The following RAPGEF5 variants were observed in gnomAD, a reference collection of about 807,000 sequenced individuals.
RAPGEF5 encodes the protein Rap guanine nucleotide exchange factor 5.
In RAPGEF5, 65 loss-of-function variants were observed where a neutral mutation model predicts 125.2. The ratio of observed to expected loss-of-function variants is 0.52; its 90% CI spans 0.43 to 0.64. The LOEUF (loss-of-function observed/expected upper bound fraction) is 0.64, where lower values mean the gene tolerates loss of function less well. RAPGEF5 is among the 30% of genes least tolerant of loss of function. The pLI, the probability that RAPGEF5 is intolerant of heterozygous loss-of-function variation, is 0.00. For synonymous variants in RAPGEF5, 391 were observed against 385.9 expected (o/e 1.01, Z -0.16); for missense variants, 958 against 1,048.1 (o/e 0.91, Z 1.19).
intron 6 of RAPGEF5, among the ~76,000 whole-genome samples, chr7:22,273,290 C>G (rs904183929): frequency 7.0e-6 from 1 of 143,436 alleles, no homozygotes; most frequent in African/African-American, 2.6e-5. Flanking sequence ...GCAATCTCGG[C>G]TCACTGCAAG....
chr7:22,136,438 A>G (rs1398602359), intron 22 of RAPGEF5, among the ~76,000 whole-genome samples: 1 of 152,176 alleles, frequency 6.6e-6, no homozygotes, highest in Non-Finnish European at 1.5e-5. Flanking sequence ...AATTTATATC[A>G]TGAATTAACC....
At chr7:22,257,931 T>C (rs1782043336) in intron 7 of RAPGEF5, among the ~76,000 whole-genome samples, 1 of 152,188 alleles carries the variant, frequency 6.6e-6, no homozygotes, top group South Asian at 2.1e-4. Flanking sequence ...TTCAAACTTA[T>C]ACTGCAAGGC....
intron 9 of RAPGEF5, among the ~76,000 whole-genome samples, chr7:22,200,354 A>G (rs1562758189): frequency 6.6e-6 from 1 of 152,236 alleles, no homozygotes; most frequent in Non-Finnish European, 1.5e-5. Context: ...CTGGCAAGAT[A>G]GAAATGATTA....
rs1429778749 is a variant in RAPGEF5 at position 22,162,378 on chromosome 7, T to C, written c.1428+19A>G. Reference sequence around the variant, plus strand: ...ATCAGTTATTTGGCATCAAAGAATATCTGGAAATGTTTGATTACCTTTAAA... The same window carrying C: ...ATCAGTTATTTGGCATCAAAGAATACCTGGAAATGTTTGATTACCTTTAAA... On this transcript the variant is annotated intron_variant, in intron 13 of 25. Coordinates refer to ENST00000665637, the MANE Select transcript of RAPGEF5 (RefSeq NM_012294.5). The C allele has an allele frequency of 6.5e-7, 1 of 1,545,630 alleles. No individual in the cohort carries two copies. Among genetic ancestry groups the C allele is most frequent in the Non-Finnish European group, 8.9e-7 (1 of 1,123,038 alleles).
intron 11 of RAPGEF5, among the ~76,000 whole-genome samples, chr7:22,179,813 C>T (rs938438440): frequency 1.3e-5 from 2 of 152,166 alleles, no homozygotes; most frequent in African/African-American, 2.4e-5. Context: ...TTTACAAATG[C>T]CATGGCAACA....
chr7:22,209,366 C>T (rs1785460784), intron 9 of RAPGEF5, among the ~76,000 whole-genome samples: 1 of 152,216 alleles, frequency 6.6e-6, no homozygotes. Context: ...AATCACAAAC[C>T]TGTAGGTGTA....
chr7:22,272,204 T>C (rs1782445359), intron 6 of RAPGEF5, among the ~76,000 whole-genome samples: 1 of 151,040 alleles, frequency 6.6e-6, no homozygotes, highest in Non-Finnish European at 1.5e-5. Flanking sequence ...ATTAGCCGAG[T>C]ATGGTGCACG....
intron 5 of RAPGEF5, among the ~76,000 whole-genome samples, chr7:22,299,387 A>G (rs555212122): frequency 1.2e-3 from 181 of 152,214 alleles, no homozygotes; most frequent in Non-Finnish European, 2.1e-3. Flanking sequence ...ATATCATTTT[A>G]CCTTTAAATA....
intron 11 of RAPGEF5, among the ~76,000 whole-genome samples, chr7:22,177,287 A>G (rs924034138): frequency 5.9e-5 from 9 of 152,192 alleles, no homozygotes; most frequent in Admixed American, 5.9e-4. Flanking sequence ...TCCACACCCC[A>G]ACCCCTACCC....
intron 7 of RAPGEF5, among the ~76,000 whole-genome samples, chr7:22,257,820 C>T (rs1782037339): frequency 6.6e-6 from 1 of 151,948 alleles, no homozygotes; most frequent in Non-Finnish European, 1.5e-5. Context: ...TTGTTTTTTC[C>T]TAATACAATC....
At chr7:22,144,327 C>T (rs1002156002) in intron 20 of RAPGEF5, among the ~76,000 whole-genome samples, 2 of 152,072 alleles carry the variant, frequency 1.3e-5, no homozygotes, top group African/African-American at 2.4e-5. Flanking sequence ...AATAAGTTTT[C>T]GGAAGGTAAA....
chr7:22,122,513 A>T lies in RAPGEF5; in HGVS notation c.2545T>A (p.Ser849Thr). 6.2e-7 allele frequency: 1 copy of T among 1,611,554 alleles called. No homozygotes were observed. Among genetic ancestry groups the T allele is most frequent in the Middle Eastern group, 1.7e-4 (1 of 6,056 alleles). ...HCRTNQFGDL[S>T]PKEHQELKSY... The stretch of plus-strand genomic sequence containing the variant: ...TTTAACTCTTGATGCTCTTTTGGAG[A>T]CAGGTCACCTGTTGTTTAGAGGGGG... The change falls in exon 26 of 26, where the codon TCT becomes ACT. Residue 849 changes from serine (S) to threonine (T), a missense_variant. Ser to Thr is a moderately conservative substitution (Grantham distance 58). Transcript: ENST00000665637.
intron 12 of RAPGEF5, among the ~76,000 whole-genome samples, chr7:22,165,333 A>G (rs1784129528): frequency 6.6e-6 from 1 of 152,198 alleles, no homozygotes; most frequent in Non-Finnish European, 1.5e-5. Context: ...GTTTAAAGGC[A>G]TCTCATTTGT....
chr7:22,217,272 C>G (rs975057917), intron 9 of RAPGEF5, among the ~76,000 whole-genome samples: 3 of 152,166 alleles, frequency 2.0e-5, no homozygotes, highest in African/African-American at 7.2e-5. Flanking sequence ...AACTGCAGAC[C>G]TAGGTTTACG....
intron 1 of RAPGEF5, among the ~76,000 whole-genome samples, chr7:22,355,119 T>C (rs1196993278): frequency 6.6e-6 from 1 of 152,182 alleles, no homozygotes; most frequent in Non-Finnish European, 1.5e-5. Context: ...AAACTGGCTA[T>C]GCAGTTACGA....
At chr7:22,346,295 C>A (rs1361855733) in intron 1 of RAPGEF5, among the ~76,000 whole-genome samples, 1 of 152,174 alleles carries the variant, frequency 6.6e-6, no homozygotes, top group Non-Finnish European at 1.5e-5. Flanking sequence ...TGTTCTCTTA[C>A]ACCCACAGCC....
chr7:22,279,917 C>T (rs551846779), intron 6 of RAPGEF5, among the ~76,000 whole-genome samples: 1 of 152,236 alleles, frequency 6.6e-6, no homozygotes, highest in East Asian at 1.9e-4. Flanking sequence ...AAAAGCTGTG[C>T]TGTGTTGGGA....
intron 7 of RAPGEF5, among the ~76,000 whole-genome samples, chr7:22,242,135 G>A (rs1786347399): frequency 1.3e-5 from 2 of 152,218 alleles, no homozygotes; most frequent in African/African-American, 4.8e-5. Context: ...CTAGGTCTGA[G>A]AGGGTGAGGC....
chr7:22,202,101 G>A (rs1040481991), intron 9 of RAPGEF5, among the ~76,000 whole-genome samples: 13 of 152,200 alleles, frequency 8.5e-5, no homozygotes, highest in Non-Finnish European at 1.3e-4. Flanking sequence ...GTAGGCTTGG[G>A]TAGAAAAGGA....
Sources: allele counts gnomAD v4.1 joint callset (sites outside exome capture counted in the v4.1 genomes callset), GRCh38; gene constraint gnomAD v4.1.1; transcripts MANE v1.5; gene names NCBI Gene and HGNC (gene_info 2026-07-23, HGNC 2026-07-21).